Variants in CNTNAP4 observed in about 807,000 individuals in gnomAD.
CNTNAP4 encodes contactin associated protein family member 4.
CNTNAP4 carries 98 observed loss-of-function variants against 148.4 expected under a neutral mutation model. The observed-to-expected ratio is 0.66, with a 90% CI of 0.56 to 0.78. The LOEUF is 0.78. CNTNAP4 is among the 30% of genes least tolerant of loss of function. The pLI is 0.00. For synonymous variants in CNTNAP4, 730 were observed against 565.1 expected, an observed-to-expected ratio of 1.29 and a Z score of -4.14; for missense variants, 1,935 against 1,565.6, an observed-to-expected ratio of 1.24 and a Z score of -3.98.
At chr16:76,348,818 G>A (rs573016126) in intron 2 of CNTNAP4, among the ~76,000 whole-genome samples, 1 of 148,806 alleles carries the variant, frequency 6.7e-6, no homozygotes, top group African/African-American at 2.5e-5. Flanking sequence ...GAGTGATGTG[G>A]ACCTATATTA....
intron 4 of CNTNAP4, among the ~76,000 whole-genome samples, chr16:76,436,285 G>T (rs1417238851): frequency 6.6e-6 from 1 of 152,102 alleles, no homozygotes; most frequent in African/African-American, 2.4e-5. Context: ...GGCAAGAAAG[G>T]TTCATCAGAG....
In CNTNAP4 at chr16:76,462,012, C is replaced by T. The variant is rs2080987195; in HGVS notation, c.1390C>T (p.His464Tyr). The change falls in exon 9 of 24, where the codon CAC becomes TAC. Residue 464 changes from histidine (H) to tyrosine (Y), a missense_variant. By Grantham distance (83) the His-to-Tyr change is moderately conservative. Transcript: ENST00000611870. The part of the protein sequence containing the change: ...HSVSLSAKKN[H>Y]LSVAVDGQMA... ...TGTCTCTTTATCTGCTAAAAAGAAT[C>T]ACTTGAGTGTGGCGGTGGACGGCCA... 1.9e-6 allele frequency: 3 copies of T among 1,613,682 alleles called. No homozygotes were observed. The highest frequency in any genetic ancestry group is 2.7e-5 in the African/African-American group (2 of 74,904).
intron 3 of CNTNAP4, among the ~76,000 whole-genome samples, chr16:76,394,241 G>T (rs2078122962): frequency 6.6e-6 from 1 of 152,144 alleles, no homozygotes; most frequent in Non-Finnish European, 1.5e-5. Flanking sequence ...TTGGCCTTGA[G>T]CAAGTTACTT....
intron 3 of CNTNAP4, among the ~76,000 whole-genome samples, chr16:76,425,313 C>T (rs1363590553): frequency 1.3e-5 from 2 of 152,150 alleles, no homozygotes; most frequent in African/African-American, 4.8e-5. Flanking sequence ...TAGCACATGA[C>T]ATGCTCTGAG....
intron 3 of CNTNAP4, among the ~76,000 whole-genome samples, chr16:76,384,283 C>A (rs1437195808): frequency 6.6e-6 from 1 of 151,988 alleles, no homozygotes; most frequent in Non-Finnish European, 1.5e-5. Flanking sequence ...ACCTTGTGAT[C>A]CACCCACCTC....
intron 3 of CNTNAP4, among the ~76,000 whole-genome samples, chr16:76,385,094 C>G (rs8052036): frequency 0.039 from 6,012 of 152,264 alleles, 394 homozygotes; most frequent in African/African-American, 0.14. Flanking sequence ...GTTTACATGA[C>G]AGGAGCATAA....
chr16:76,415,111 A>G (rs950533889), intron 3 of CNTNAP4, among the ~76,000 whole-genome samples: 1 of 151,186 alleles, frequency 6.6e-6, no homozygotes, highest in Non-Finnish European at 1.5e-5. Context: ...ATTCCTCCAA[A>G]TTTTGTGTAT....
chr16:76,292,553 G>C (rs1472131332), intron 1 of CNTNAP4, among the ~76,000 whole-genome samples: 5 of 152,146 alleles, frequency 3.3e-5, no homozygotes, highest in Admixed American at 2.0e-4. Flanking sequence ...GCAAATGCAG[G>C]TTTTCGGTTG....
chr16:76,352,560 G>C (rs1358880575), intron 2 of CNTNAP4, among the ~76,000 whole-genome samples: 1 of 152,174 alleles, frequency 6.6e-6, no homozygotes, highest in Non-Finnish European at 1.5e-5. Flanking sequence ...AGGGCAAAGT[G>C]TTCAAACTCT....
chr16:76,556,914 C>T (rs1017965729), intron 23 of CNTNAP4, among the ~76,000 whole-genome samples: 9 of 152,096 alleles, frequency 5.9e-5, no homozygotes, highest in African/African-American at 1.7e-4. Context: ...CAGGGTGAAT[C>T]GGCCTAGCAG....
In CNTNAP4 at chr16:76,316,521, A is replaced by T. The variant is rs1446513377; in HGVS notation, c.194A>T (p.Asp65Val). Residue 65 changes from aspartate (D) to valine (V), a missense_variant and splice_region_variant, in exon 2 of 24, where the codon GAT becomes GTT. Physicochemically the swap from Asp to Val is radical, Grantham distance 152 (BLOSUM62 -3). Coordinates refer to ENST00000611870, the MANE Select transcript of CNTNAP4 (RefSeq NM_033401.5). Reference sequence around the variant, plus strand: ...GGATTTGCAAGGCTGAATAGAAGAGATGGTAAGTCTGCTTTTCTCCTCTGA... The same window carrying T: ...GGATTTGCAAGGCTGAATAGAAGAGTTGGTAAGTCTGCTTTTCTCCTCTGA... ...GPGFARLNRRDGAGGWSPLVS... is the reference protein window; with the variant it reads ...GPGFARLNRRVGAGGWSPLVS... The T allele has an allele frequency of 3.7e-6, 6 of 1,605,438 alleles. No individual in the cohort carries two copies. Among genetic ancestry groups the T allele is most frequent in the South Asian group, 3.3e-5 (3 of 90,878 alleles).
Position 76,559,304 on chromosome 16 carries a change from T to C in CNTNAP4, c.*621T>C, listed in dbSNP as rs1045108986. ...TTTGTCTCTTCTTAATAATGTTGAA[T>C]ACATTTGGTTTTGAGTCTCAGACTT... On this transcript the variant is annotated 3_prime_UTR_variant, in exon 24 of 24. Coordinates refer to ENST00000611870, the MANE Select transcript of CNTNAP4 (RefSeq NM_033401.5). The C allele has an allele frequency of 6.6e-6, 1 of 152,212 alleles. No homozygotes were observed. The highest frequency in any genetic ancestry group is 1.5e-5 in the Non-Finnish European group (1 of 68,042). 9.4% of individuals were successfully genotyped at this position (152,212 alleles called of 1,614,324 possible).
intron 21 of CNTNAP4, among the ~76,000 whole-genome samples, chr16:76,549,167 G>C (rs922928788): frequency 5.9e-5 from 9 of 152,108 alleles, no homozygotes; most frequent in African/African-American, 9.7e-5. Context: ...AGAATCTCAG[G>C]GGGGGATTTG....
At chr16:76,497,699 G>C (rs541975231) in intron 14 of CNTNAP4, among the ~76,000 whole-genome samples, 42 of 151,786 alleles carry the variant, frequency 2.8e-4, no homozygotes, top group East Asian at 2.3e-3. Context: ...GTTGGGGAGT[G>C]GGGGGATAGG....
At chr16:76,508,872 C>T (rs1473143386) in intron 15 of CNTNAP4, among the ~76,000 whole-genome samples, 2 of 92,576 alleles carry the variant, frequency 2.2e-5, no homozygotes, top group African/African-American at 5.3e-5. Flanking sequence ...CCTGCCTCAG[C>T]CTCCCGAGTA....
chr16:76,451,293 G>A (rs1397895031), intron 7 of CNTNAP4, among the ~76,000 whole-genome samples: 2 of 152,152 alleles, frequency 1.3e-5, no homozygotes, highest in Non-Finnish European at 2.9e-5. Context: ...TTACTCAGAA[G>A]CAGACAAGTA....
At chr16:76,335,908 C>A (rs1297193213) in intron 2 of CNTNAP4, among the ~76,000 whole-genome samples, 1 of 152,044 alleles carries the variant, frequency 6.6e-6, no homozygotes, top group Non-Finnish European at 1.5e-5. Context: ...CTGAAACAGA[C>A]CAACACAGAG....
At position 76,482,009 on chromosome 16, in the gene CNTNAP4, A is replaced by AT. The variant is rs10568011; in HGVS notation, c.1882+2482dup. ...AAGACACTGAGGAGTTTATTTTTTT[A>AT]TTTTTTTTTTTAATTTTTATTATAC... On this transcript the variant is annotated intron_variant, in intron 12 of 23. Coordinates refer to ENST00000611870, the MANE Select transcript of CNTNAP4 (RefSeq NM_033401.5). Among the ~76,000 whole-genome samples the AT allele has an allele frequency of 8.9e-3, 1,341 of 150,126 alleles. 8 individuals are homozygous for AT. Among genetic ancestry groups the AT allele is most frequent in the Admixed American group, 0.013 (192 of 15,082 alleles).
chr16:76,333,456 T>G (rs1963721101), intron 2 of CNTNAP4, among the ~76,000 whole-genome samples: 1 of 152,236 alleles, frequency 6.6e-6, no homozygotes, highest in Non-Finnish European at 1.5e-5. Flanking sequence ...TTATATCTCT[T>G]TATTGATGAC....
Sources: gnomAD v4.1 joint callset for allele counts (sites outside exome capture counted in the v4.1 genomes callset) on GRCh38, gnomAD v4.1.1 for gene constraint, MANE v1.5 for transcripts, NCBI Gene and HGNC (gene_info 2026-07-23, HGNC 2026-07-21) for gene names.